The following NSL1 variants were observed in gnomAD, a reference collection of about 807,000 sequenced individuals.
NSL1 encodes the protein kinetochore-associated protein NSL1 homolog.
Under a neutral mutation model 25.4 loss-of-function variants are expected in NSL1, and 11 were observed. That is an observed-to-expected ratio of 0.43 (90% CI 0.27 to 0.72). The LOEUF is 0.72. Among genes scored for constraint, NSL1 ranks in the 30% least tolerant of loss-of-function variants. The probability of loss-of-function intolerance (pLI) is 0.19; values close to 1 mark genes in which losing one functional copy is unlikely to be tolerated. For missense variants in NSL1, 330 were observed against 342.7 expected (o/e 0.96, Z 0.29); for synonymous variants, 118 against 120.6 (o/e 0.98, Z 0.14).
intron 4 of NSL1, among the ~76,000 whole-genome samples, chr1:212,757,134 G>A (rs6540763): frequency 0.4 from 61,135 of 151,972 alleles, 13,940 homozygotes; most frequent in Non-Finnish European, 0.51. Flanking sequence ...TATGAAAGTC[G>A]TAGGGCCAGT....
At chr1:212,791,410 A>T in intron 1 of NSL1, 120 bp downstream of exon 1, 1 of 892,020 alleles carries the variant, frequency 1.1e-6, no homozygotes, top group Non-Finnish European at 1.8e-6. Context: ...AACTGGTTCT[A>T]CAGTAGCCTG....
chr1:212,774,722 T>A (rs115933093), intron 4 of NSL1, among the ~76,000 whole-genome samples: 2 of 152,186 alleles, frequency 1.3e-5, no homozygotes, highest in South Asian at 4.1e-4. Context: ...CCCTACACAC[T>A]GAGGGAGGAA....
chr1:212,766,225 G>A, intron 4 of NSL1: 1 of 658,490 alleles, frequency 1.5e-6, no homozygotes, highest in South Asian at 1.6e-5. Context: ...CAAATCCACA[G>A]CCAACATCAT....
At chr1:212,763,528 T>A (rs566428522) in intron 4 of NSL1, among the ~76,000 whole-genome samples, 1 of 152,158 alleles carries the variant, frequency 6.6e-6, no homozygotes, top group African/African-American at 2.4e-5. Flanking sequence ...GTATCTGCTG[T>A]CATCAAGAGA....
At chr1:212,791,155 C>T (rs1022943085) in intron 1 of NSL1, among the ~76,000 whole-genome samples, 2 of 152,026 alleles carry the variant, frequency 1.3e-5, no homozygotes, top group Admixed American at 6.6e-5. Context: ...ATTTGAAAAG[C>T]TTAGTACGAA....
At chr1:212,749,148 A>C (rs1018011633) in intron 4 of NSL1, among the ~76,000 whole-genome samples, 2 of 152,132 alleles carry the variant, frequency 1.3e-5, no homozygotes, top group African/African-American at 4.8e-5. Context: ...TGTGCATTAT[A>C]TGTTATACTG....
intron 4 of NSL1, among the ~76,000 whole-genome samples, chr1:212,747,117 G>A (rs2102437814): frequency 6.9e-6 from 1 of 145,654 alleles, no homozygotes; most frequent in South Asian, 2.2e-4. Flanking sequence ...ACTCCAGCCT[G>A]GGCGACAGAG....
In NSL1 at chr1:212,727,051, G is replaced by C; in HGVS notation, c.*11357C>G. The C allele has an allele frequency of 2.7e-6, 4 of 1,499,762 alleles. No homozygotes were observed. Among genetic ancestry groups the C allele is most frequent in the East Asian group, 2.5e-5 (1 of 39,640 alleles). 92.9% of individuals were successfully genotyped at this position (1,499,762 alleles called of 1,614,324 possible). A position where few individuals can be genotyped will look rare whatever the true frequency, so the allele number is the denominator to read the frequency against. ...TTGGAGATGACTGCCGAGAGAGGGA[G>C]GGCGGGCTCTGGGTCACCCAGCTTC... On this transcript the variant is annotated 3_prime_UTR_variant, in exon 6 of 6. Transcript: ENST00000366977.
At chr1:212,764,843 CAAAAAAAA>C (rs3086471) in intron 4 of NSL1, among the ~76,000 whole-genome samples, 4 of 38,874 alleles carry the variant, frequency 1.0e-4, no homozygotes, top group South Asian at 1.5e-3. Context: ...AAGACTGTCT[CAAAAAAAA>C]AAAAAAAAAA....
At chr1:212,766,135 CAAAA>C in intron 4 of NSL1, 3 of 279,582 alleles carry the variant, frequency 1.1e-5, no homozygotes, top group Non-Finnish European at 1.9e-5. Context: ...GACTCCATCT[CAAAA>C]AAAAAAAAAC....
chr1:212,737,279 C>T lies in NSL1; in HGVS notation c.*1129G>A. ...AAAGTGGCTTTATAAGTTTTCTTCA[C>T]TGAGACAGACCTTCTGGTGACTTCT... On this transcript the variant is annotated 3_prime_UTR_variant, in exon 6 of 6. Transcript: ENST00000366977. 3 of 985,292 alleles carry T rather than the reference C, an allele frequency of 3.0e-6. No individual in the cohort carries two copies. Among genetic ancestry groups the T allele is most frequent in the Non-Finnish European group, 3.6e-6 (3 of 829,788 alleles). 61.0% of individuals were successfully genotyped at this position (985,292 alleles called of 1,614,324 possible).
intron 5 of NSL1, 90 bp downstream of exon 5, chr1:212,739,444 G>T: frequency 8.5e-7 from 1 of 1,175,912 alleles, no homozygotes; most frequent in South Asian, 1.4e-5. Flanking sequence ...ATTCCTGTTA[G>T]AGCAGACTAA....
intron 4 of NSL1, among the ~76,000 whole-genome samples, chr1:212,757,605 G>A (rs530586778): frequency 6.6e-6 from 1 of 152,208 alleles, no homozygotes; most frequent in African/African-American, 2.4e-5. Context: ...GCAAGAGATG[G>A]AGCAAGGATG....
intron 4 of NSL1, among the ~76,000 whole-genome samples, chr1:212,765,159 AAAG>A (rs1340506638): frequency 2.6e-5 from 4 of 152,348 alleles, no homozygotes; most frequent in Middle Eastern, 3.4e-3. Context: ...TCAGACATTC[AAAG>A]AAGAATTATT....
chr1:212,778,554 A>G (rs1455548507), intron 4 of NSL1, among the ~76,000 whole-genome samples: 7 of 152,058 alleles, frequency 4.6e-5, no homozygotes, highest in Non-Finnish European at 1.0e-4. Flanking sequence ...GCGCGCCGCC[A>G]CGCCTGACTG....
chr1:212,755,338 A>G (rs906390218), intron 4 of NSL1, among the ~76,000 whole-genome samples: 1 of 152,098 alleles, frequency 6.6e-6, no homozygotes, highest in African/African-American at 2.4e-5. Flanking sequence ...TCTAGAATAT[A>G]GGAGTCCTCA....
chr1:212,763,487 C>T (rs1233881418), intron 4 of NSL1, among the ~76,000 whole-genome samples: 1 of 151,942 alleles, frequency 6.6e-6, no homozygotes, highest in African/African-American at 2.4e-5. Context: ...TTAAAAGATA[C>T]AGAATGACAG....
At chr1:212,753,740 A>G (rs1474440979) in intron 4 of NSL1, among the ~76,000 whole-genome samples, 2 of 152,224 alleles carry the variant, frequency 1.3e-5, no homozygotes, top group South Asian at 2.1e-4. Context: ...TGTAAATATA[A>G]TATTAAAAAA....
chr1:212,783,828 C>T lies in NSL1; in HGVS notation c.444+535G>A, dbSNP rs547959090. Reference sequence around the variant, plus strand: ...TACGGCTCTGCTTGTCTAAAAAGCTCGTGCTGAAGGAGCTGAATTCCTGGT... The same window carrying T: ...TACGGCTCTGCTTGTCTAAAAAGCTTGTGCTGAAGGAGCTGAATTCCTGGT... On this transcript the variant is annotated intron_variant, in intron 3 of 5. Transcript: ENST00000366977. Among the ~76,000 whole-genome samples the T allele has an allele frequency of 7.2e-5, 11 of 152,176 alleles. No homozygotes were observed. The South Asian group carries it at 1.7e-3, about 23-fold the overall frequency.
Sources: gnomAD v4.1 joint callset for allele counts (sites outside exome capture counted in the v4.1 genomes callset) on GRCh38, gnomAD v4.1.1 for gene constraint, MANE v1.5 for transcripts, NCBI Gene and HGNC (gene_info 2026-07-23, HGNC 2026-07-21) for gene names.